Variants in GRIK4 observed in about 807,000 individuals in gnomAD.
GRIK4 encodes glutamate ionotropic receptor kainate type subunit 4, also known as glutamate receptor ionotropic, kainate 4.
GRIK4 carries 40 observed loss-of-function variants against 104.9 expected under a neutral mutation model. The ratio of observed to expected loss-of-function variants is 0.38; its 90% confidence interval spans 0.30 to 0.50. The LOEUF (loss-of-function observed/expected upper bound fraction) is 0.50. Among genes scored for constraint, GRIK4 ranks in the 20% least tolerant of loss-of-function variants. The pLI is 0.93. For missense variants in GRIK4, 1,047 were observed against 1,308.1 expected, an observed-to-expected ratio of 0.80 and a Z score of 3.08; for synonymous variants, 485 against 524.9, an observed-to-expected ratio of 0.92 and a Z score of 1.04.
intron 3 of GRIK4, among the ~76,000 whole-genome samples, chr11:120,663,777 A>G (rs1949858024): frequency 6.6e-6 from 1 of 152,062 alleles, no homozygotes; most frequent in Non-Finnish European, 1.5e-5. Context: ...CTGCCTGCAA[A>G]ACAAATCCAG....
chr11:120,874,064 A>G lies in GRIK4; in HGVS notation c.907-2A>G, dbSNP rs1195655279. ...CTCCGCCTGCTCCCCGGCCTCTCCC[A>G]GCTCTCCTCGGCCCTGCTGTTTGAT... On this transcript the variant is annotated splice_acceptor_variant, in intron 9 of 20. Transcript: ENST00000527524. LOFTEE classifies it high-confidence loss of function. 1 of 1,599,888 alleles carries G rather than the reference A, an allele frequency of 6.3e-7. No individual in the cohort carries two copies. Among genetic ancestry groups the G allele is most frequent in the Non-Finnish European group, 8.6e-7 (1 of 1,169,330 alleles).
At chr11:120,918,577 G>C (rs1347946056) in intron 13 of GRIK4, among the ~76,000 whole-genome samples, 1 of 152,124 alleles carries the variant, frequency 6.6e-6, no homozygotes, top group African/African-American at 2.4e-5. Context: ...GGATGGGGGG[G>C]TATCTACTTG....
At chr11:120,830,883 C>T (rs148505517) in intron 6 of GRIK4, among the ~76,000 whole-genome samples, 1,936 of 78,498 alleles carry the variant, frequency 0.025, 46 homozygotes, top group African/African-American at 0.076. Context: ...CCCCACATTT[C>T]CCTCCCCCAC....
intron 13 of GRIK4, among the ~76,000 whole-genome samples, chr11:120,926,835 A>G (rs1943356342): frequency 6.6e-6 from 1 of 152,224 alleles, no homozygotes; most frequent in African/African-American, 2.4e-5. Flanking sequence ...ATCAACAGGT[A>G]AACTGGTAAA....
At chr11:120,901,045 C>T (rs573012897) in intron 12 of GRIK4, among the ~76,000 whole-genome samples, 24 of 152,304 alleles carry the variant, frequency 1.6e-4, no homozygotes, top group South Asian at 1.5e-3. Context: ...AATCCAGGAT[C>T]GGGGCCCCTC....
chr11:120,696,428 A>G (rs1950449963), intron 3 of GRIK4, among the ~76,000 whole-genome samples: 2 of 143,476 alleles, frequency 1.4e-5, no homozygotes, highest in Non-Finnish European at 3.0e-5. Context: ...TTCCTAGGGG[A>G]GGTGAAGTCT....
At chr11:120,570,363 G>A (rs1285034728) in intron 1 of GRIK4, among the ~76,000 whole-genome samples, 2 of 152,140 alleles carry the variant, frequency 1.3e-5, no homozygotes, top group African/African-American at 2.4e-5. Context: ...CTGTTTAGCT[G>A]CTTTTTTCTG....
intron 1 of GRIK4, among the ~76,000 whole-genome samples, chr11:120,561,508 AGGG>A (rs960697821): frequency 3.9e-5 from 6 of 152,114 alleles, no homozygotes; most frequent in African/African-American, 1.4e-4. Context: ...CGTGGGGACT[AGGG>A]GGGCCTACTC....
intron 3 of GRIK4, among the ~76,000 whole-genome samples, chr11:120,677,204 G>A (rs992523439): frequency 3.3e-5 from 5 of 152,146 alleles, no homozygotes; most frequent in Admixed American, 1.3e-4. Context: ...TAGTAATCTC[G>A]CCACTCCTAA....
chr11:120,590,590 G>A (rs186215486), intron 1 of GRIK4, among the ~76,000 whole-genome samples: 3 of 152,300 alleles, frequency 2.0e-5, no homozygotes, highest in Admixed American at 2.0e-4. Context: ...CAATTGTAGA[G>A]TGAATAAATG....
chr11:120,886,986 G>C (rs1229217381), intron 11 of GRIK4, among the ~76,000 whole-genome samples: 3 of 152,206 alleles, frequency 2.0e-5, no homozygotes, highest in Non-Finnish European at 4.4e-5. Flanking sequence ...GAGTCTGTTT[G>C]AATGCCTCCA....
At chr11:120,735,727 T>C (rs1472396633) in intron 3 of GRIK4, among the ~76,000 whole-genome samples, 3 of 151,926 alleles carry the variant, frequency 2.0e-5, no homozygotes, top group Non-Finnish European at 4.4e-5. Context: ...TGGTGTTCTA[T>C]TCTTCTGTGG....
At chr11:120,861,780 C>T (rs1262833784) in intron 8 of GRIK4, among the ~76,000 whole-genome samples, 179 bp from the exon 9 acceptor site, 3 of 152,140 alleles carry the variant, frequency 2.0e-5, no homozygotes, top group Non-Finnish European at 4.4e-5. Context: ...CCATCCTCCA[C>T]CATCACAGTG....
At chr11:120,810,011 G>A (rs184020094) in intron 4 of GRIK4, among the ~76,000 whole-genome samples, 151 of 152,314 alleles carry the variant, frequency 9.9e-4, no homozygotes, top group Admixed American at 4.5e-3. Context: ...TCTGCAGTGA[G>A]CTATGATTGC....
intron 3 of GRIK4, among the ~76,000 whole-genome samples, chr11:120,782,043 C>T (rs568603456): frequency 3.3e-5 from 5 of 152,258 alleles, no homozygotes; most frequent in Admixed American, 6.5e-5. Flanking sequence ...GCTCAGGTGG[C>T]GCTTCATTAG....
intron 1 of GRIK4, among the ~76,000 whole-genome samples, chr11:120,603,132 T>G (rs979069708): frequency 6.6e-6 from 1 of 152,246 alleles, no homozygotes; most frequent in African/African-American, 2.4e-5. Context: ...ATGGGGAGAC[T>G]GAGTCCCACT....
At chr11:120,797,989 G>T (rs1018356598) in intron 3 of GRIK4, among the ~76,000 whole-genome samples, 4 of 152,056 alleles carry the variant, frequency 2.6e-5, no homozygotes, top group African/African-American at 9.7e-5. Flanking sequence ...CCACAGACTG[G>T]GTGGCTTACC....
chr11:120,897,290 G>C (rs1298626314), intron 11 of GRIK4, among the ~76,000 whole-genome samples: 1 of 151,812 alleles, frequency 6.6e-6, no homozygotes, highest in Non-Finnish European at 1.5e-5. Flanking sequence ...AGTTCTTTGA[G>C]ACAATGAGAC....
At chr11:120,945,805 C>T (rs546685582) in intron 14 of GRIK4, among the ~76,000 whole-genome samples, 8 of 152,228 alleles carry the variant, frequency 5.3e-5, no homozygotes, top group Non-Finnish European at 1.2e-4. Context: ...TCAATGCCTG[C>T]ATATTCCACA....
Sources: allele counts gnomAD v4.1 joint callset (sites outside exome capture counted in the v4.1 genomes callset), GRCh38; gene constraint gnomAD v4.1.1; transcripts MANE v1.5; gene names NCBI Gene and HGNC (gene_info 2026-07-23, HGNC 2026-07-21).